Variants in PDZRN3 observed in about 807,000 individuals in gnomAD.
PDZRN3 encodes the protein E3 ubiquitin-protein ligase PDZRN3.
A neutral mutation model predicts 85.7 loss-of-function variants in PDZRN3; 38 were observed. The observed-to-expected ratio is 0.44, with a 90% confidence interval of 0.34 to 0.58. The LOEUF (loss-of-function observed/expected upper bound fraction) is 0.58, where lower values mean the gene tolerates loss of function less well. Ranked by LOEUF, PDZRN3 falls within the 20% of genes least tolerant of loss-of-function variation. The probability of loss-of-function intolerance (pLI) is 0.01; values close to 1 mark genes in which losing one functional copy is unlikely to be tolerated. For synonymous variants in PDZRN3, 759 were observed against 638.0 expected (o/e 1.19, Z -2.86); for missense variants, 1,629 against 1,506.4 (o/e 1.08, Z -1.35).
intron 3 of PDZRN3, among the ~76,000 whole-genome samples, chr3:73,538,070 A>G (rs1204304523): frequency 1.3e-5 from 2 of 152,214 alleles, no homozygotes; most frequent in African/African-American, 2.4e-5. Flanking sequence ...GAGCATGATC[A>G]TAGACTCCAT....
rs187649096 is a variant in PDZRN3 at position 73,582,893 on chromosome 3, C to T, written c.918+19461G>A. On this transcript the variant is annotated intron_variant, in intron 3 of 9. Transcript: ENST00000263666. The stretch of plus-strand genomic sequence containing the variant: ...TATAACTCACGGGTTTTAATAAATG[C>T]ATACTATTTCATCACATGGATGTGA... 2.2e-3 allele frequency among the ~76,000 whole-genome samples: 339 copies of T among 152,278 alleles called. 1 individual carries two copies. Among genetic ancestry groups the T allele is most frequent in the African/African-American group, 7.8e-3 (323 of 41,548 alleles).
intron 3 of PDZRN3, among the ~76,000 whole-genome samples, chr3:73,520,034 T>A (rs1056229624): frequency 2.0e-4 from 30 of 152,106 alleles, no homozygotes; most frequent in African/African-American, 7.2e-4. Context: ...TCCATACCTG[T>A]CAGCCCTTAA....
chr3:73,452,734 G>C (rs1702889320), intron 3 of PDZRN3, among the ~76,000 whole-genome samples: 1 of 152,086 alleles, frequency 6.6e-6, no homozygotes, highest in Admixed American at 6.6e-5. Flanking sequence ...CTCTGATGCT[G>C]TCTCTCAAAC....
chr3:73,624,613 G>C lies in PDZRN3; in HGVS notation c.213C>G (p.Leu71=). The change falls in exon 1 of 10, where the codon CTC becomes CTG. Residue 71 remains leucine, a synonymous_variant. Coordinates refer to ENST00000263666, the MANE Select transcript of PDZRN3 (RefSeq NM_015009.3). ...TGTCCAGCTTGAGGATAAGGCGCTT[G>C]AGCGGCAGGACGTGGTTGAGCTCTT... ...SAKELNHVLP[L]KRLILKLDIK... is the part of the protein sequence containing the mutation. The C allele has an allele frequency of 6.4e-7, 1 of 1,559,326 alleles. No homozygotes were observed. The highest frequency in any genetic ancestry group is 1.2e-5 in the South Asian group (1 of 84,420).
chr3:73,475,867 C>T (rs1703439007), intron 3 of PDZRN3, among the ~76,000 whole-genome samples: 1 of 152,190 alleles, frequency 6.6e-6, no homozygotes, highest in African/African-American at 2.4e-5. Context: ...TCAGGATATG[C>T]AAATTAGAAG....
At chr3:73,433,174 T>TA (rs1271428588) in intron 3 of PDZRN3, among the ~76,000 whole-genome samples, 1 of 152,214 alleles carries the variant, frequency 6.6e-6, no homozygotes, top group African/African-American at 2.4e-5. Flanking sequence ...TATGTCCCAC[T>TA]ACAAGAATTG....
intron 3 of PDZRN3, among the ~76,000 whole-genome samples, chr3:73,506,965 T>C (rs916145251): frequency 2.4e-4 from 37 of 151,144 alleles, no homozygotes; most frequent in African/African-American, 9.0e-4. Context: ...AAAATAACCA[T>C]AGTAATAGGT....
intron 3 of PDZRN3, among the ~76,000 whole-genome samples, chr3:73,490,582 T>G (rs180790358): frequency 6.1e-4 from 93 of 152,292 alleles, no homozygotes; most frequent in African/African-American, 2.1e-3. Flanking sequence ...TCACCCATTC[T>G]CCACCTATAA....
chr3:73,577,127 CAA>C (rs567171571), intron 3 of PDZRN3, among the ~76,000 whole-genome samples: 255 of 152,292 alleles, frequency 1.7e-3, no homozygotes, highest in African/African-American at 6.0e-3. Flanking sequence ...TTCATTCTAG[CAA>C]AGAGGGTTTT....
chr3:73,443,163 G>C (rs377510019), intron 3 of PDZRN3, among the ~76,000 whole-genome samples: 3 of 152,262 alleles, frequency 2.0e-5, no homozygotes, highest in South Asian at 4.1e-4. Flanking sequence ...CCTCCGTATT[G>C]ATTGCCTACT....
chr3:73,407,040 T>C (rs772600659), intron 3 of PDZRN3, among the ~76,000 whole-genome samples: 9 of 152,280 alleles, frequency 5.9e-5, no homozygotes, highest in South Asian at 4.1e-4. Flanking sequence ...TGGGGGAGAT[T>C]TGAGGTGTGG....
At chr3:73,439,758 A>G (rs895936452) in intron 3 of PDZRN3, among the ~76,000 whole-genome samples, 3 of 135,288 alleles carry the variant, frequency 2.2e-5, no homozygotes, top group African/African-American at 5.0e-5. Context: ...TTATTTTTTG[A>G]AACAGAGTCT....
At chr3:73,608,526 C>G (rs1292300956) in intron 2 of PDZRN3, 72 bp downstream of exon 2, 13 of 977,318 alleles carry the variant, frequency 1.3e-5, no homozygotes, top group Non-Finnish European at 1.8e-5. Flanking sequence ...TCCTCACTGT[C>G]CCCTTCAAAC....
chr3:73,410,304 CA>C (rs1701940717), intron 3 of PDZRN3, among the ~76,000 whole-genome samples: 1 of 152,080 alleles, frequency 6.6e-6, no homozygotes. Flanking sequence ...GGTATTATGG[CA>C]GTTAAGAAGA....
chr3:73,383,222 A>T lies in PDZRN3; in HGVS notation c.*143T>A, dbSNP rs1039776820. On this transcript the variant is annotated 3_prime_UTR_variant, in exon 10 of 10. Transcript: ENST00000263666. ...CCCTTAAAATAGACCTATGACACCC[A>T]GAGTTGTAGGGTTTGCAAATTTGGA... 1.5e-6 allele frequency: 1 copy of T among 689,534 alleles called. No homozygotes were observed. 42.7% of individuals were successfully genotyped at this position (689,534 alleles called of 1,614,324 possible). A position where few individuals can be genotyped will look rare whatever the true frequency, so the allele number is the denominator to read the frequency against.
chr3:73,450,396 TAATC>T (rs1026704994), intron 3 of PDZRN3, among the ~76,000 whole-genome samples: 4 of 152,180 alleles, frequency 2.6e-5, no homozygotes, highest in Non-Finnish European at 5.9e-5. Context: ...ATTGGCATCA[TAATC>T]AATACACACA....
chr3:73,387,526 C>T (rs1033392836), intron 8 of PDZRN3, among the ~76,000 whole-genome samples: 6 of 152,146 alleles, frequency 3.9e-5, no homozygotes, highest in East Asian at 1.9e-4. Flanking sequence ...AGCACTTATT[C>T]GGTGGTCATA....
At chr3:73,406,134 C>G (rs554884309) in intron 3 of PDZRN3, among the ~76,000 whole-genome samples, 4 of 152,296 alleles carry the variant, frequency 2.6e-5, no homozygotes, top group Admixed American at 6.5e-5. Flanking sequence ...TTGAGTGCAC[C>G]AGTAAATAAG....
Position 73,384,048 on chromosome 3 carries a change from G to T in PDZRN3, c.2518C>A (p.Arg840=), listed in dbSNP as rs750045554. 1.2e-6 allele frequency: 2 copies of T among 1,604,816 alleles called. No individual in the cohort carries two copies. Among genetic ancestry groups the T allele is most frequent in the Non-Finnish European group, 8.5e-7 (1 of 1,176,144 alleles). The change falls in exon 10 of 10, where the codon CGG becomes AGG. Residue 840 remains arginine, a synonymous_variant. Transcript: ENST00000263666. ...DPNQPLESKE[R]RASDGSRSPT... ...CTCCGGCTCCCGTCGCTGGCTCTCC[G>T]CTCTTTGCTTTCCAGGGGCTGGTTG...
Sources: allele counts gnomAD v4.1 joint callset (sites outside exome capture counted in the v4.1 genomes callset), GRCh38; gene constraint gnomAD v4.1.1; transcripts MANE v1.5; gene names NCBI Gene and HGNC (gene_info 2026-07-23, HGNC 2026-07-21).